TDRD1: variants seen among roughly 807,000 people sequenced by gnomAD.
The protein encoded by TDRD1 is tudor domain-containing protein 1.
Under a neutral mutation model 140.6 loss-of-function variants are expected in TDRD1, and 37 were observed. That is an observed-to-expected ratio of 0.26 (90% CI 0.20 to 0.35). The LOEUF is 0.35. TDRD1 is among the 10% of genes least tolerant of loss of function. The probability of loss-of-function intolerance (pLI) is 1.00; values close to 1 mark genes in which losing one functional copy is unlikely to be tolerated. For missense variants in TDRD1, 1,243 were observed against 1,393.0 expected, an observed-to-expected ratio of 0.89 and a Z score of 1.71; for synonymous variants, 506 against 475.7, an observed-to-expected ratio of 1.06 and a Z score of -0.83.
At chr10:114,202,910 A>C (rs1236336268) in intron 6 of TDRD1, among the ~76,000 whole-genome samples, 162 bp from the exon 7 acceptor site, 1 of 152,166 alleles carries the variant, frequency 6.6e-6, no homozygotes, top group East Asian at 1.9e-4. Flanking sequence ...GCCTGTGGAC[A>C]GTGGGTTTTA....
At chr10:114,195,408 C>G (rs982504838) in intron 3 of TDRD1, among the ~76,000 whole-genome samples, 4 of 152,086 alleles carry the variant, frequency 2.6e-5, no homozygotes, top group African/African-American at 9.7e-5. Context: ...CTAGTCATGT[C>G]AATTGTTGAG....
intron 25 of TDRD1, among the ~76,000 whole-genome samples, chr10:114,230,299 A>G (rs1247761770): frequency 6.6e-6 from 1 of 151,522 alleles, no homozygotes; most frequent in African/African-American, 2.5e-5. Context: ...TCAAAAGAAA[A>G]CTTGATTTAA....
At chr10:114,226,511 G>C (rs1240648232) in intron 22 of TDRD1, among the ~76,000 whole-genome samples, 1 of 152,146 alleles carries the variant, frequency 6.6e-6, no homozygotes, top group Non-Finnish European at 1.5e-5. Context: ...TGTGAAACAG[G>C]GTGTCTGGTG....
intron 16 of TDRD1, among the ~76,000 whole-genome samples, chr10:114,216,546 A>C (rs138564013): frequency 2.0e-5 from 3 of 152,156 alleles, no homozygotes; most frequent in Admixed American, 2.0e-4. Flanking sequence ...GTGGATACAC[A>C]CTACTAAGTG....
chr10:114,214,610 A>G (rs183269097), intron 16 of TDRD1, among the ~76,000 whole-genome samples: 30 of 152,358 alleles, frequency 2.0e-4, no homozygotes, highest in Middle Eastern at 3.4e-3. Context: ...ATATAGGAGT[A>G]CAACATAATG....
At chr10:114,221,451 T>C (rs2036139650) in exon 20 of TDRD1, 5 of 1,613,636 alleles carry the variant, frequency 3.1e-6, no homozygotes, top group Non-Finnish European at 4.2e-6. Flanking sequence ...CAAACTTGTT[T>C]TATGCTCTAC....
chr10:114,186,996 C>G (rs1437838978), intron 1 of TDRD1, among the ~76,000 whole-genome samples: 1 of 152,154 alleles, frequency 6.6e-6, no homozygotes, highest in Non-Finnish European at 1.5e-5. Flanking sequence ...GGGAGCAAAG[C>G]TATCAGTCAC....
chr10:114,177,497 G>A (rs779365625), upstream of TDRD1, among the ~76,000 whole-genome samples: 1 of 152,022 alleles, frequency 6.6e-6, no homozygotes, highest in African/African-American at 2.4e-5. Context: ...CCAAAAGTAG[G>A]GCATCCTACA....
intron 25 of TDRD1, chr10:114,228,913 G>C (rs947501927): frequency 9.7e-6 from 3 of 308,234 alleles, no homozygotes; most frequent in Non-Finnish European, 1.4e-5. Context: ...GCGAAACACT[G>C]CCTCTACTTA....
At chr10:114,223,861 A>G (rs544428837) in intron 21 of TDRD1, among the ~76,000 whole-genome samples, 54 of 152,316 alleles carry the variant, frequency 3.5e-4, no homozygotes, top group African/African-American at 1.3e-3. Context: ...TATTGGAGGC[A>G]TCTTCAGCCT....
chr10:114,209,043 A>C (rs1000321406), intron 11 of TDRD1, among the ~76,000 whole-genome samples: 3 of 151,980 alleles, frequency 2.0e-5, no homozygotes, highest in African/African-American at 7.2e-5. Context: ...CGGCCTCCCA[A>C]AGTGCTCTGA....
At chr10:114,203,930 TA>T in intron 8 of TDRD1, 142 bp from the exon 9 acceptor site, 1 of 977,152 alleles carries the variant, frequency 1.0e-6, no homozygotes, top group Non-Finnish European at 1.5e-6. Flanking sequence ...GCAAGATTCT[TA>T]AAAAATTAAG....
chr10:114,207,770 G>A (rs2035221347), intron 11 of TDRD1, among the ~76,000 whole-genome samples: 1 of 152,034 alleles, frequency 6.6e-6, no homozygotes, highest in Admixed American at 6.6e-5. Flanking sequence ...GCTTCCAGGA[G>A]GGGGAGTCAT....
chr10:114,229,943 G>A (rs1300307591), intron 25 of TDRD1, among the ~76,000 whole-genome samples: 1 of 151,334 alleles, frequency 6.6e-6, no homozygotes, highest in Non-Finnish European at 1.5e-5. Context: ...CCATTCTCCT[G>A]CCTCAGCTTC....
upstream of TDRD1, among the ~76,000 whole-genome samples, chr10:114,178,760 T>G (rs1297226153): frequency 6.6e-6 from 1 of 151,194 alleles, no homozygotes; most frequent in Non-Finnish European, 1.5e-5. Context: ...GCCCGAAGAG[T>G]GCCTGGGCTG....
At chr10:114,180,425 C>G (rs2032945479) in intron 1 of TDRD1, among the ~76,000 whole-genome samples, 1 of 152,202 alleles carries the variant, frequency 6.6e-6, no homozygotes, top group Admixed American at 6.5e-5. Context: ...AGAGCTCATG[C>G]TTTACCGAAG....
chr10:114,193,863 T>C (rs1459647560), intron 3 of TDRD1, among the ~76,000 whole-genome samples: 1 of 152,210 alleles, frequency 6.6e-6, no homozygotes, highest in Non-Finnish European at 1.5e-5. Context: ...TTTATCAAGC[T>C]GATGAAGTTT....
chr10:114,226,358 GT>G, intron 22 of TDRD1, 142 bp downstream of exon 22: 1 of 595,478 alleles, frequency 1.7e-6, no homozygotes, highest in East Asian at 3.0e-5. Flanking sequence ...TTTCAAATAA[GT>G]TTCATATTCT....
At chr10:114,201,343 G>GATAATAGAAGATATT (rs1470595911) in intron 4 of TDRD1, 67 bp from the exon 5 acceptor site, 34 of 1,278,150 alleles carry the variant, frequency 2.7e-5, no homozygotes, top group Non-Finnish European at 3.9e-5. Flanking sequence ...AATGATATTT[G>GATAATAGAAGATATT]CTAAAGTGTG....
Sources: allele counts gnomAD v4.1 joint callset (sites outside exome capture counted in the v4.1 genomes callset), GRCh38; gene constraint gnomAD v4.1.1; transcripts MANE v1.5; gene names NCBI Gene and HGNC (gene_info 2026-07-23, HGNC 2026-07-21).